Variants in PIK3R1 observed in about 807,000 individuals in gnomAD.
The protein encoded by PIK3R1 is phosphatidylinositol 3-kinase regulatory subunit alpha.
PIK3R1 carries 29 observed loss-of-function variants against 98.0 expected under a neutral mutation model. The observed-to-expected ratio is 0.30, with a 90% CI of 0.22 to 0.40. The LOEUF is 0.40. Ranked by LOEUF, PIK3R1 falls within the 10% of genes least tolerant of loss-of-function variation. The probability of loss-of-function intolerance (pLI) is 1.00; values close to 1 mark genes in which losing one functional copy is unlikely to be tolerated. For missense variants in PIK3R1, 596 were observed against 872.7 expected (o/e 0.68, Z 3.99); for synonymous variants, 282 against 311.8 (o/e 0.90, Z 1.01).
intron 2 of PIK3R1, among the ~76,000 whole-genome samples, chr5:68,262,665 ACATGTAGATACATGTATCTGCATG>A (rs1167940866): frequency 5.4e-5 from 7 of 130,470 alleles, no homozygotes; most frequent in Non-Finnish European, 8.0e-5. Flanking sequence ...GCATGTATAC[ACATGTAGATACATGTATCTGCATG>A]TATACACATG....
At chr5:68,235,671 G>C (rs1025643633) in intron 2 of PIK3R1, among the ~76,000 whole-genome samples, 1 of 151,674 alleles carries the variant, frequency 6.6e-6, no homozygotes, top group Non-Finnish European at 1.5e-5. Flanking sequence ...AGAACAAGAT[G>C]ATTTTATTGC....
chr5:68,266,237 C>T (rs1746119472), intron 2 of PIK3R1, among the ~76,000 whole-genome samples: 1 of 152,194 alleles, frequency 6.6e-6, no homozygotes, highest in Non-Finnish European at 1.5e-5. Context: ...CATTTTACAA[C>T]TCTGCTTTAT....
intron 2 of PIK3R1, among the ~76,000 whole-genome samples, chr5:68,251,286 A>AG (rs1429925167): frequency 4.6e-5 from 7 of 152,076 alleles, no homozygotes; most frequent in African/African-American, 1.4e-4. Flanking sequence ...CTTAAAAAAA[A>AG]CACTTTGCAG....
intron 2 of PIK3R1, among the ~76,000 whole-genome samples, chr5:68,249,806 G>A (rs779894719): frequency 2.0e-5 from 3 of 152,160 alleles, no homozygotes; most frequent in Admixed American, 6.5e-5. Context: ...TCTCAGTCAC[G>A]TAGCCATTTG....
intron 7 of PIK3R1, among the ~76,000 whole-genome samples, chr5:68,282,904 A>G (rs1746909467): frequency 2.0e-5 from 3 of 152,214 alleles, no homozygotes; most frequent in Admixed American, 6.5e-5. Flanking sequence ...TGTGATTTGT[A>G]TAGGACCTTT....
In PIK3R1 at chr5:68,292,374, A is replaced by G; in HGVS notation, c.1019+13A>G. ...GAGATATCTCGAGGTAAGGCTACAGAAACTTCATTTTCAGAGAGTTTTAGA... is the reference window on the plus strand; with the variant it reads ...GAGATATCTCGAGGTAAGGCTACAGGAACTTCATTTTCAGAGAGTTTTAGA... On this transcript the variant is annotated intron_variant, in intron 8 of 15. Transcript: ENST00000521381. 6.3e-7 allele frequency: 1 copy of G among 1,580,980 alleles called. No individual in the cohort carries two copies. The highest frequency in any genetic ancestry group is 1.1e-5 in the South Asian group (1 of 90,302).
chr5:68,217,653 T>TGTGTGTGTGTGCGCGCGCGCGCGC (rs1386976488), intron 1 of PIK3R1: 33 of 149,384 alleles, frequency 2.2e-4, no homozygotes, highest in African/African-American at 8.0e-4. Context: ...TGTGTGTGTG[T>TGTGTGTGTGTGCGCGCGCGCGCGC]GCGCGCGCGT....
intron 2 of PIK3R1, among the ~76,000 whole-genome samples, chr5:68,239,480 G>A (rs773616711): frequency 3.9e-5 from 6 of 152,060 alleles, no homozygotes; most frequent in Non-Finnish European, 7.4e-5. Flanking sequence ...TTCAGGTACT[G>A]CACTAACCTT....
At chr5:68,287,455 T>A (rs1747126081) in intron 7 of PIK3R1, among the ~76,000 whole-genome samples, 1 of 152,322 alleles carries the variant, frequency 6.6e-6, no homozygotes, top group South Asian at 2.1e-4. Context: ...CAGATTTCGT[T>A]TTCCCCTCTA....
At chr5:68,290,926 G>T (rs1289226807) in intron 7 of PIK3R1, 3 of 789,806 alleles carry the variant, frequency 3.8e-6, no homozygotes, top group South Asian at 2.1e-5. Context: ...TTGGATTTCT[G>T]TTTTTATTAA....
chr5:68,235,401 A>AAATAAAT (rs1744627349), intron 2 of PIK3R1, among the ~76,000 whole-genome samples: 1 of 145,322 alleles, frequency 6.9e-6, no homozygotes, highest in Non-Finnish European at 1.5e-5. Flanking sequence ...AAAGTGTCTC[A>AAATAAAT]AAATAAATAA....
intron 1 of PIK3R1, among the ~76,000 whole-genome samples, chr5:68,219,538 T>TGCA: frequency 6.6e-6 from 1 of 152,210 alleles, no homozygotes; most frequent in Middle Eastern, 3.2e-3. Flanking sequence ...ATCCTGGGGA[T>TGCA]GCACACACAC....
chr5:68,265,908 T>C lies in PIK3R1; in HGVS notation c.335-7482T>C, dbSNP rs183246753. 1.6e-3 allele frequency among the ~76,000 whole-genome samples: 240 copies of C among 152,338 alleles called. 1 individual carries two copies. The highest frequency in any genetic ancestry group is 2.0e-3 in the Non-Finnish European group (136 of 68,032). ...CAGAGAAAAAACCCCCTACTCTCTA[T>C]AGTTATTTAAAAGGAATCTGGTGCT... On this transcript the variant is annotated intron_variant, in intron 2 of 15. Coordinates refer to ENST00000521381, the MANE Select transcript of PIK3R1 (RefSeq NM_181523.3).
At chr5:68,241,560 T>G (rs1001755142) in intron 2 of PIK3R1, among the ~76,000 whole-genome samples, 1 of 152,250 alleles carries the variant, frequency 6.6e-6, no homozygotes, top group African/African-American at 2.4e-5. Context: ...ACATTTGCTT[T>G]GTTCCAGGCA....
At chr5:68,239,961 C>T (rs55784422) in intron 2 of PIK3R1, 14,710 of 490,838 alleles carry the variant, frequency 0.03, 313 homozygotes, top group Non-Finnish European at 0.039. Flanking sequence ...AAGGGCAGTT[C>T]ATTCCTCCTG....
Position 68,296,157 on chromosome 5 carries a change from T to TCCTG in PIK3R1, c.1815-6_1815-3dup. On this transcript the variant is annotated splice_polypyrimidine_tract_variant and intron_variant, in intron 14 of 15. Transcript: ENST00000521381. Reference sequence around the variant, plus strand: ...GCACTCTTCATTTAGAAACTTTCTGTCCTGCCTGCCTAGCCAATATTCACT... The same window carrying TCCTG: ...GCACTCTTCATTTAGAAACTTTCTGTCCTGCCTGCCTGCCTAGCCAATATTCACT... 1 of 1,613,692 alleles carries TCCTG rather than the reference T, an allele frequency of 6.2e-7. No individual in the cohort carries two copies. The highest frequency in any genetic ancestry group is 8.5e-7 in the Non-Finnish European group (1 of 1,179,722).
At chr5:68,269,094 AG>A (rs138140883) in intron 2 of PIK3R1, among the ~76,000 whole-genome samples, 2,977 of 152,282 alleles carry the variant, frequency 0.02, 84 homozygotes, top group African/African-American at 0.068. Flanking sequence ...TCAACATTGA[AG>A]GCTGAATCCT....
At chr5:68,256,861 G>C (rs1331774229) in intron 2 of PIK3R1, among the ~76,000 whole-genome samples, 1 of 152,184 alleles carries the variant, frequency 6.6e-6, no homozygotes, top group Admixed American at 6.5e-5. Flanking sequence ...AAGAAGGTTA[G>C]TACATTCACC....
chr5:68,253,213 C>T (rs567468470), intron 2 of PIK3R1, among the ~76,000 whole-genome samples: 35 of 152,176 alleles, frequency 2.3e-4, no homozygotes, highest in African/African-American at 8.2e-4. Flanking sequence ...GAGTAGATTT[C>T]GCTTATATCT....
Sources: allele counts gnomAD v4.1 joint callset (sites outside exome capture counted in the v4.1 genomes callset), GRCh38; gene constraint gnomAD v4.1.1; transcripts MANE v1.5; gene names NCBI Gene and HGNC (gene_info 2026-07-23, HGNC 2026-07-21).